ZNF571: variants seen among roughly 807,000 people sequenced by gnomAD.
ZNF571 encodes the protein zinc finger protein 571.
ZNF571 carries 4 observed loss-of-function variants against 7.7 expected under a neutral mutation model. That is an observed-to-expected ratio of 0.52 (90% CI 0.25 to 1.18). The LOEUF is 1.18. ZNF571 is among the 50% of genes most tolerant of loss of function. ZNF571 has a pLI of 0.14. For missense variants in ZNF571, 704 were observed against 726.9 expected, an observed-to-expected ratio of 0.97 and a Z score of 0.36; for synonymous variants, 251 against 232.4, an observed-to-expected ratio of 1.08 and a Z score of -0.73.
chr19:37,584,158 A>C lies in ZNF571; in HGVS notation c.10-61T>G, dbSNP rs1424285497. 5 of 1,607,778 alleles carry C rather than the reference A, an allele frequency of 3.1e-6. No homozygotes were observed. In the African/African-American group the frequency reaches 4.0e-5, roughly 13 times the overall value. ...GGAATGATTCTGAAGTGAAATGAGAAGAAAATGGAGGAGGTAATTGAAGGA... is the reference window on the plus strand; with the variant it reads ...GGAATGATTCTGAAGTGAAATGAGACGAAAATGGAGGAGGTAATTGAAGGA... On this transcript the variant is annotated intron_variant, in intron 2 of 3. Coordinates refer to ENST00000451802, the MANE Select transcript of ZNF571 (RefSeq NM_016536.5).
chr19:37,583,232 C>A (rs193110767), intron 3 of ZNF571, among the ~76,000 whole-genome samples: 1 of 152,138 alleles, frequency 6.6e-6, no homozygotes, highest in African/African-American at 2.4e-5. Flanking sequence ...AACCTATGAA[C>A]GTAGCAAGCT....
At chr19:37,588,352 T>C (rs2043754457) in intron 1 of ZNF571, among the ~76,000 whole-genome samples, 1 of 152,048 alleles carries the variant, frequency 6.6e-6, no homozygotes, top group African/African-American at 2.4e-5. Flanking sequence ...AAAATACCAC[T>C]CCTATCATTA....
Position 37,565,533 on chromosome 19 carries a change from T to G in ZNF571, c.895A>C (p.Arg299=). Residue 299 remains arginine, a synonymous_variant, in exon 4 of 4, where the codon AGA becomes CGA. Coordinates refer to ENST00000451802, the MANE Select transcript of ZNF571 (RefSeq NM_016536.5). ...ILGSQLTYHQ[R]IHSGEKPYEC... ...TAAGGTTTCTCACCACTATGAATTC[T>G]CTGATGGTAAGTAAGTTGAGAGCCA... 6.2e-7 allele frequency: 1 copy of G among 1,613,840 alleles called. No homozygotes were observed. Among genetic ancestry groups the G allele is most frequent in the East Asian group, 2.2e-5 (1 of 44,854 alleles).
chr19:37,565,719 G>A lies in ZNF571; in HGVS notation c.709C>T (p.Gln237Ter). 3 of 1,613,828 alleles carry A rather than the reference G, an allele frequency of 1.9e-6. No individual in the cohort carries two copies. Among genetic ancestry groups the A allele is most frequent in the Non-Finnish European group, 2.5e-6 (3 of 1,179,916 alleles). Residue 237 changes from glutamine to a stop codon, truncating the protein, a stop_gained, in exon 4 of 4, where the codon CAG becomes TAG. Transcript: ENST00000451802. LOFTEE classifies it low-confidence loss of function (END_TRUNC). ...ACGKAFIRGS[Q>*]LTEHQRVHTG... Reference sequence around the variant, plus strand: ...TGAACTCTCTGATGTTCAGTGAGCTGTGAACCACGAATAAAAGCTTTCCCA... The same window carrying A: ...TGAACTCTCTGATGTTCAGTGAGCTATGAACCACGAATAAAAGCTTTCCCA...
intron 1 of ZNF571, among the ~76,000 whole-genome samples, chr19:37,592,929 G>C (rs2043909033): frequency 6.6e-6 from 1 of 152,186 alleles, no homozygotes; most frequent in Non-Finnish European, 1.5e-5. Flanking sequence ...CATGCATTAA[G>C]TAAGTTTAAC....
intron 3 of ZNF571, among the ~76,000 whole-genome samples, chr19:37,578,828 G>A (rs1201706657): frequency 1.3e-5 from 2 of 152,196 alleles, no homozygotes; most frequent in African/African-American, 2.4e-5. Context: ...CCGCACCTCC[G>A]CCTAAACTCT....
chr19:37,576,042 T>TACACACAC (rs34837052), intron 3 of ZNF571, among the ~76,000 whole-genome samples: 1,839 of 148,926 alleles, frequency 0.012, 41 homozygotes, highest in East Asian at 0.051. Context: ...CATACATGCA[T>TACACACAC]ACACACACAC....
chr19:37,579,185 G>T (rs1219142598), intron 3 of ZNF571, among the ~76,000 whole-genome samples: 1 of 152,170 alleles, frequency 6.6e-6, no homozygotes, highest in Non-Finnish European at 1.5e-5. Flanking sequence ...AAACCAACCT[G>T]TCCCACCTCC....
chr19:37,565,070 C>A lies in ZNF571; in HGVS notation c.1358G>T (p.Gly453Val). ...ATATGCAACACGAATAAAGGCCTTT[C>A]CACATTCCTTACATTCAAAGGGTTT... Reference protein sequence around the residue: ...GEKPFECKECGKAFIRVAYLT... With the variant: ...GEKPFECKECVKAFIRVAYLT... The change falls in exon 4 of 4, where the codon GGA (glycine) becomes GTA (valine). Residue 453 changes from glycine to valine, a missense_variant. Coordinates refer to ENST00000451802, the MANE Select transcript of ZNF571 (RefSeq NM_016536.5). The A allele has an allele frequency of 6.2e-7, 1 of 1,613,330 alleles. No individual in the cohort carries two copies. The highest frequency in any genetic ancestry group is 8.5e-7 in the Non-Finnish European group (1 of 1,179,446).
Position 37,565,671 on chromosome 19 carries a change from A to G in ZNF571, c.757T>C (p.Cys253Arg). ...CTAAAGGCTTTTCCACATTTCTTAC[A>G]TTCATATGGTTTCTCTCCTGTATGA... is the stretch of plus-strand genomic sequence containing the variant. ...RVHTGEKPYE[C>R]KKCGKAFSYC... Residue 253 changes from cysteine to arginine, a missense_variant, in exon 4 of 4, where the codon TGT becomes CGT. By Grantham distance (180) the Cys-to-Arg change is radical. Transcript: ENST00000451802. The G allele has an allele frequency of 6.2e-7, 1 of 1,613,554 alleles. No individual in the cohort carries two copies. The highest frequency in any genetic ancestry group is 8.5e-7 in the Non-Finnish European group (1 of 1,179,818).
chr19:37,577,625 C>G (rs952784399), intron 3 of ZNF571, among the ~76,000 whole-genome samples: 1 of 152,188 alleles, frequency 6.6e-6, no homozygotes, highest in African/African-American at 2.4e-5. Flanking sequence ...CACAGACTAA[C>G]TCATATATGT....
rs1412313207 is a variant in ZNF571 at position 37,594,754 on chromosome 19, A to G, written c.-83T>C. 1.3e-5 allele frequency: 2 copies of G among 152,190 alleles called. No homozygotes were observed. Among genetic ancestry groups the G allele is most frequent in the African/African-American group, 4.8e-5 (2 of 41,436 alleles). The allele number at this position is 152,190 out of a possible 1,614,324, so 9.4% of individuals were successfully genotyped here. A position where few individuals can be genotyped will look rare whatever the true frequency, so the allele number is the denominator to read the frequency against. On this transcript the variant is annotated 5_prime_UTR_variant, in exon 1 of 4. Transcript: ENST00000451802. ...CCGCCCACTCACCTGGCCGGCGCAG[A>G]CAAGCTCCGTGCGTCAAGACATAAC...
intron 3 of ZNF571, 149 bp from the exon 4 acceptor site, chr19:37,566,440 G>C: frequency 2.3e-6 from 2 of 858,458 alleles, no homozygotes; most frequent in Non-Finnish European, 1.7e-6. Flanking sequence ...TTCTTTAAAG[G>C]CACAAGGAGA....
In ZNF571 at chr19:37,564,441, G is replaced by A. The variant is rs2042775298; in HGVS notation, c.*157C>T. 1.9e-6 allele frequency: 1 copy of A among 530,058 alleles called. No individual in the cohort carries two copies. The allele number at this position is 530,058 out of a possible 1,614,324, so 32.8% of individuals were successfully genotyped here. On this transcript the variant is annotated 3_prime_UTR_variant, in exon 4 of 4. Coordinates refer to ENST00000451802, the MANE Select transcript of ZNF571 (RefSeq NM_016536.5). ...ATTCTAGCGTTTATAGAGATGTTAA[G>A]GAATTATTTAAGGGGTTTCTGAAAT...
intron 3 of ZNF571, among the ~76,000 whole-genome samples, chr19:37,582,751 A>G (rs1047296418): frequency 9.9e-5 from 15 of 152,090 alleles, no homozygotes; most frequent in South Asian, 2.1e-4. Context: ...TATTAATTCT[A>G]CCTTCAAAAT....
intron 1 of ZNF571, among the ~76,000 whole-genome samples, chr19:37,589,103 G>A (rs2043783562): frequency 6.6e-6 from 1 of 151,538 alleles, no homozygotes; most frequent in African/African-American, 2.4e-5. Context: ...GGGAGGCTAA[G>A]GCAGGAGAAT....
chr19:37,572,985 A>G (rs184320223), intron 3 of ZNF571, among the ~76,000 whole-genome samples: 1 of 152,330 alleles, frequency 6.6e-6, no homozygotes, highest in East Asian at 1.9e-4. Flanking sequence ...TAATATTTGT[A>G]CTAGTAGCTT....
Position 37,564,581 on chromosome 19 carries a change from T to C in ZNF571, c.*17A>G, listed in dbSNP as rs761763460. ...TAGATGAAGATTTTCTTAAATTTAATCACATTCAAGGCTTTCTCAATTATG... is the reference window on the plus strand; with the variant it reads ...TAGATGAAGATTTTCTTAAATTTAACCACATTCAAGGCTTTCTCAATTATG... On this transcript the variant is annotated 3_prime_UTR_variant, in exon 4 of 4. Coordinates refer to ENST00000451802, the MANE Select transcript of ZNF571 (RefSeq NM_016536.5). 2.1e-6 allele frequency: 3 copies of C among 1,458,234 alleles called. No homozygotes were observed. The highest frequency in any genetic ancestry group is 1.7e-5 in the South Asian group (1 of 59,614). The allele number at this position is 1,458,234 out of a possible 1,614,324, so 90.3% of individuals were successfully genotyped here.
At chr19:37,580,438 C>T (rs2043414389) in intron 3 of ZNF571, among the ~76,000 whole-genome samples, 1 of 152,234 alleles carries the variant, frequency 6.6e-6, no homozygotes, top group Non-Finnish European at 1.5e-5. Context: ...CTTTCCACAA[C>T]ATTTTCTTGA....
Sources: allele counts gnomAD v4.1 joint callset (sites outside exome capture counted in the v4.1 genomes callset), GRCh38; gene constraint gnomAD v4.1.1; transcripts MANE v1.5; gene names NCBI Gene and HGNC (gene_info 2026-07-23, HGNC 2026-07-21).